Variants in DPYD observed in about 807,000 individuals in gnomAD.
DPYD encodes the protein dihydropyrimidine dehydrogenase.
Under a neutral mutation model 116.2 loss-of-function variants are expected in DPYD, and 109 were observed. The observed-to-expected ratio is 0.94, with a 90% confidence interval of 0.80 to 1.10. DPYD has a LOEUF of 1.10. Among genes scored for constraint, DPYD ranks in the 50% least tolerant of loss-of-function variants. DPYD has a pLI of 0.00. For missense variants in DPYD, 1,302 were observed against 1,254.5 expected, an observed-to-expected ratio of 1.04 and a Z score of -0.57; for synonymous variants, 440 against 432.0, an observed-to-expected ratio of 1.02 and a Z score of -0.23.
At chr1:97,392,956 A>G (rs1570655128) in intron 14 of DPYD, among the ~76,000 whole-genome samples, 1 of 152,000 alleles carries the variant, frequency 6.6e-6, no homozygotes, top group East Asian at 1.9e-4. Flanking sequence ...TCTTAAGGGC[A>G]TCTAGAATGG....
chr1:97,264,168 T>C (rs932626581), intron 18 of DPYD, among the ~76,000 whole-genome samples: 1 of 87,574 alleles, frequency 1.1e-5, no homozygotes, highest in Non-Finnish European at 2.1e-5. Flanking sequence ...TTCTGTTTTT[T>C]TTTTTTTTTT....
intron 11 of DPYD, among the ~76,000 whole-genome samples, chr1:97,570,954 C>T (rs903811665): frequency 2.0e-5 from 3 of 151,756 alleles, no homozygotes; most frequent in East Asian, 3.9e-4. Flanking sequence ...AGGTCTTCTG[C>T]GAAATGGGGA....
intron 2 of DPYD, among the ~76,000 whole-genome samples, chr1:97,863,144 T>C (rs576906359): frequency 6.6e-6 from 1 of 152,008 alleles, no homozygotes; most frequent in South Asian, 2.1e-4. Context: ...AAATGTGATA[T>C]GGTATGCATT....
At chr1:97,601,843 T>A (rs2102279563) in intron 8 of DPYD, among the ~76,000 whole-genome samples, 1 of 152,036 alleles carries the variant, frequency 6.6e-6, no homozygotes, top group Middle Eastern at 3.4e-3. Flanking sequence ...AAAAATGGAG[T>A]GATTCAATAT....
At chr1:97,781,498 A>G (rs1016241981) in intron 3 of DPYD, among the ~76,000 whole-genome samples, 4 of 152,214 alleles carry the variant, frequency 2.6e-5, no homozygotes, top group Non-Finnish European at 4.4e-5. Flanking sequence ...ACATCCTTTC[A>G]ACATCATTAA....
At chr1:97,304,724 T>C (rs1667057964) in intron 18 of DPYD, among the ~76,000 whole-genome samples, 2 of 151,944 alleles carry the variant, frequency 1.3e-5, no homozygotes, top group Non-Finnish European at 2.9e-5. Context: ...GATTAAAACC[T>C]CTCTTTCTTT....
In DPYD at chr1:97,628,624, CTT is replaced by C. The variant is rs143268729; in HGVS notation, c.851-33460_851-33459del. ...AATAATAATGATAGTAATATTACCT[CTT>C]AATTTTTATGAGAAGGGTCATGATT... On this transcript the variant is annotated intron_variant, in intron 8 of 22. Coordinates refer to ENST00000370192, the MANE Select transcript of DPYD (RefSeq NM_000110.4). Among the ~76,000 whole-genome samples, 1,074 of 151,966 alleles carry C rather than the reference CTT, an allele frequency of 7.1e-3. 13 individuals carry two copies. Among genetic ancestry groups the C allele is most frequent in the African/African-American group, 0.025 (1,022 of 41,454 alleles).
At chr1:97,279,493 A>ATTTG (rs111937508) in intron 18 of DPYD, among the ~76,000 whole-genome samples, 30,001 of 150,962 alleles carry the variant, frequency 0.2, 3,417 homozygotes, top group Non-Finnish European at 0.27. Context: ...GGAGACAGAG[A>ATTTG]TTTGTTTGTT....
intron 7 of DPYD, among the ~76,000 whole-genome samples, chr1:97,689,259 T>TA (rs1444491667): frequency 1.3e-5 from 2 of 151,932 alleles, no homozygotes; most frequent in East Asian, 1.9e-4. Flanking sequence ...GAAATGCAGC[T>TA]AAAAAAAGAT....
chr1:97,217,594 TG>T (rs1388184654), intron 19 of DPYD, among the ~76,000 whole-genome samples: 1 of 152,070 alleles, frequency 6.6e-6, no homozygotes, highest in Non-Finnish European at 1.5e-5. Flanking sequence ...GTGCCCAAAT[TG>T]TTTGCTTATT....
At chr1:97,764,594 T>C (rs1404430393) in intron 3 of DPYD, among the ~76,000 whole-genome samples, 1 of 152,096 alleles carries the variant, frequency 6.6e-6, no homozygotes, top group Admixed American at 6.6e-5. Context: ...TCCCATATTT[T>C]ATGTGAAAAG....
intron 13 of DPYD, among the ~76,000 whole-genome samples, chr1:97,489,892 A>G (rs1003299691): frequency 3.3e-5 from 5 of 152,294 alleles, no homozygotes; most frequent in African/African-American, 1.2e-4. Context: ...TACTTTATTA[A>G]TGCTCTAGAA....
chr1:97,775,849 T>C (rs899346497), intron 3 of DPYD, among the ~76,000 whole-genome samples: 1 of 152,204 alleles, frequency 6.6e-6, no homozygotes, highest in African/African-American at 2.4e-5. Flanking sequence ...TCATTTATCC[T>C]GAATATTACT....
chr1:97,918,978 T>A (rs1399521414), intron 1 of DPYD, among the ~76,000 whole-genome samples: 1 of 152,234 alleles, frequency 6.6e-6, no homozygotes, highest in African/African-American at 2.4e-5. Flanking sequence ...CCTTTATAAT[T>A]CATTCTAATT....
intron 1 of DPYD, among the ~76,000 whole-genome samples, chr1:97,907,732 C>T (rs908486615): frequency 6.6e-6 from 1 of 151,818 alleles, no homozygotes; most frequent in Admixed American, 6.6e-5. Context: ...TTCCTCTTTC[C>T]TTCCTTCCTT....
intron 12 of DPYD, among the ~76,000 whole-genome samples, chr1:97,527,021 A>G (rs1271686099): frequency 6.6e-6 from 1 of 152,140 alleles, no homozygotes; most frequent in Non-Finnish European, 1.5e-5. Flanking sequence ...GTGGTAGAGC[A>G]AGACCTGAAT....
chr1:97,772,731 G>C (rs1412080519), intron 3 of DPYD, among the ~76,000 whole-genome samples: 1 of 152,212 alleles, frequency 6.6e-6, no homozygotes, highest in Non-Finnish European at 1.5e-5. Flanking sequence ...GAGGAGAATG[G>C]AGAATCTAGC....
intron 19 of DPYD, among the ~76,000 whole-genome samples, chr1:97,206,126 A>G (rs574331229): frequency 1.3e-5 from 2 of 151,822 alleles, no homozygotes; most frequent in East Asian, 3.9e-4. Flanking sequence ...CGGAGCTTCC[A>G]TGTCTTCTCC....
At chr1:97,613,380 G>T (rs554567047) in intron 8 of DPYD, among the ~76,000 whole-genome samples, 1 of 151,756 alleles carries the variant, frequency 6.6e-6, no homozygotes, top group Non-Finnish European at 1.5e-5. Flanking sequence ...CTCTGAAAAT[G>T]ATGAGAAAAA....
Sources: allele counts gnomAD v4.1 joint callset (sites outside exome capture counted in the v4.1 genomes callset), GRCh38; gene constraint gnomAD v4.1.1; transcripts MANE v1.5; gene names NCBI Gene and HGNC (gene_info 2026-07-23, HGNC 2026-07-21).